The following ART1 variants were observed in gnomAD, a reference collection of about 807,000 sequenced individuals.
ART1 encodes the protein ADP-ribosyltransferase 1, also known as GPI-linked NAD(P)(+)--arginine ADP-ribosyltransferase 1.
ART1 carries 29 observed loss-of-function variants against 27.0 expected under a neutral mutation model. The observed-to-expected ratio is 1.08, with a 90% CI of 0.80 to 1.47. The LOEUF (loss-of-function observed/expected upper bound fraction) is 1.47. Among genes scored for constraint, ART1 ranks in the 40% most tolerant of loss-of-function variants. The pLI is 0.00. For missense variants in ART1, 480 were observed against 423.0 expected (o/e 1.13, Z -1.18); for synonymous variants, 201 against 172.2 (o/e 1.17, Z -1.31).
intron 4 of ART1, among the ~76,000 whole-genome samples, 193 bp downstream of exon 4, chr11:3,661,606 T>C (rs994522992): frequency 6.6e-6 from 1 of 151,110 alleles, no homozygotes; most frequent in Non-Finnish European, 1.5e-5. Context: ...GCCATTCTCC[T>C]GCCTCAGCCT....
chr11:3,656,845 A>G (rs997491828), intron 1 of ART1, among the ~76,000 whole-genome samples: 2 of 152,178 alleles, frequency 1.3e-5, no homozygotes, highest in African/African-American at 4.8e-5. Context: ...CTAAACAACA[A>G]TAACAAAAAA....
In ART1 at chr11:3,659,729, G is replaced by C. The variant is rs1372434933; in HGVS notation, c.210G>C (p.Gln70His). The C allele has an allele frequency of 1.2e-6, 2 of 1,613,852 alleles. No individual in the cohort carries two copies. Among genetic ancestry groups the C allele is most frequent in the African/African-American group, 2.7e-5 (2 of 74,920 alleles). The change falls in exon 3 of 5, where the codon CAG (glutamine) becomes CAC (histidine). Residue 70 changes from glutamine (Q) to histidine (H), a missense_variant. Physicochemically the swap from Gln to His is conservative, Grantham distance 24 (BLOSUM62 0). Coordinates refer to ENST00000250693, the MANE Select transcript of ART1 (RefSeq NM_004314.3). ...CGGATCTCAACCACACGGAGTTCCA[G>C]GCCAACCAGGTGTATGCAGACAGCT... is the stretch of plus-strand genomic sequence containing the variant. ...ALPDLNHTEFQANQVYADSWT... is the reference protein window; with the variant it reads ...ALPDLNHTEFHANQVYADSWT...
In ART1 at chr11:3,660,311, C is replaced by T. The variant is rs1274893644; in HGVS notation, c.792C>T (p.Ile264=). The change falls in exon 3 of 5, where the codon ATC becomes ATT. Residue 264 remains isoleucine, a synonymous_variant. Coordinates refer to ENST00000250693, the MANE Select transcript of ART1 (RefSeq NM_004314.3). ...GACTGGCCCAGGGCCCCGCCCGCAT[C>T]TACCTCCGAGCCCTGGGCAAGCACA... is the stretch of plus-strand genomic sequence containing the variant. The part of the protein sequence containing the change: ...ASRLAQGPAR[I]YLRALGKHST... 1.9e-6 allele frequency: 3 copies of T among 1,608,006 alleles called. No homozygotes were observed. The highest frequency in any genetic ancestry group is 2.5e-6 in the Non-Finnish European group (3 of 1,179,966).
At chr11:3,645,476 A>G (rs1481826084) in intron 1 of ART1, among the ~76,000 whole-genome samples, 2 of 152,152 alleles carry the variant, frequency 1.3e-5, no homozygotes, top group Admixed American at 1.3e-4. Flanking sequence ...CCCTTGGGCT[A>G]GAAAAGGAAT....
intron 4 of ART1, among the ~76,000 whole-genome samples, chr11:3,662,865 C>CA (rs369304562): frequency 3.3e-5 from 5 of 151,758 alleles, no homozygotes; most frequent in South Asian, 2.1e-4. Flanking sequence ...AAAACAAAAA[C>CA]AAAAAAAATC....
chr11:3,658,361 A>G (rs891960306), intron 1 of ART1, among the ~76,000 whole-genome samples: 13 of 150,632 alleles, frequency 8.6e-5, no homozygotes, highest in Non-Finnish European at 1.6e-4. Flanking sequence ...AGAGAGAAAG[A>G]AAAAAAAGGA....
At chr11:3,655,219 A>G (rs557225991) in intron 1 of ART1, among the ~76,000 whole-genome samples, 3 of 152,044 alleles carry the variant, frequency 2.0e-5, no homozygotes, top group Non-Finnish European at 4.4e-5. Flanking sequence ...CAAAGAAAAG[A>G]CTCTCAGTTT....
At position 3,652,595 on chromosome 11, in the gene ART1, C is replaced by A. The variant is rs142940691; in HGVS notation, c.-52-6567C>A. Reference sequence around the variant, plus strand: ...CAGCCCATTTGAGCTCCTGTATAGACGCTCCTTTTTATTAGGCCCCAGTCT... The same window carrying A: ...CAGCCCATTTGAGCTCCTGTATAGAAGCTCCTTTTTATTAGGCCCCAGTCT... On this transcript the variant is annotated intron_variant, in intron 1 of 4. Transcript: ENST00000250693. Among the ~76,000 whole-genome samples, 35 of 152,178 alleles carry A rather than the reference C, an allele frequency of 2.3e-4. No homozygotes were observed. In the South Asian group the frequency reaches 6.0e-3, roughly 26 times the overall value.
rs757914337 is a variant in ART1 at position 3,660,323 on chromosome 11, C to A, written c.804C>A (p.Ala268=). Residue 268 remains alanine, a synonymous_variant, in exon 3 of 5, where the codon GCC becomes GCA. Coordinates refer to ENST00000250693, the MANE Select transcript of ART1 (RefSeq NM_004314.3). ...GCCCCGCCCGCATCTACCTCCGAGC[C>A]CTGGGCAAGCACAGCACCTACAACT... ...AQGPARIYLR[A]LGKHSTYNCE... is the part of the protein sequence containing the mutation. The A allele has an allele frequency of 6.2e-7, 1 of 1,606,232 alleles. No homozygotes were observed. The highest frequency in any genetic ancestry group is 1.7e-5 in the Admixed American group (1 of 60,024).
In ART1 at chr11:3,649,568, C is replaced by G. The variant is rs564687682; in HGVS notation, c.-53+4389C>G. On this transcript the variant is annotated intron_variant, in intron 1 of 4. Transcript: ENST00000250693. ...TCTACAGACCCGTCTGACGTCTCCCCTCCTCCCCAGGCTGCTCCTCGCCAG... is the reference window on the plus strand; with the variant it reads ...TCTACAGACCCGTCTGACGTCTCCCGTCCTCCCCAGGCTGCTCCTCGCCAG... Among the ~76,000 whole-genome samples the G allele has an allele frequency of 4.6e-5, 7 of 152,290 alleles. No individual in the cohort carries two copies. The East Asian group carries it at 9.7e-4, about 21-fold the overall frequency.
chr11:3,662,040 C>T (rs1173120880), intron 4 of ART1, among the ~76,000 whole-genome samples: 1 of 152,200 alleles, frequency 6.6e-6, no homozygotes, highest in Non-Finnish European at 1.5e-5. Flanking sequence ...GGGCTGCTCC[C>T]CACAAAGTCC....
In ART1 at chr11:3,664,397, G is replaced by GA; in HGVS notation, c.*210dup. 1 of 547,550 alleles carries GA rather than the reference G, an allele frequency of 1.8e-6. No homozygotes were observed. Among genetic ancestry groups the GA allele is most frequent in the South Asian group, 2.2e-5 (1 of 45,800 alleles). The allele number at this position is 547,550 out of a possible 1,614,324, so 33.9% of individuals were successfully genotyped here. ...CCCAGGGCTGTAGGAGTGAGACTCT[G>GA]AATAAAGGGTTGGGCCGGCGGTGTG... On this transcript the variant is annotated 3_prime_UTR_variant, in exon 5 of 5. Coordinates refer to ENST00000250693, the MANE Select transcript of ART1 (RefSeq NM_004314.3).
At chr11:3,648,237 C>G (rs1396159238) in intron 1 of ART1, among the ~76,000 whole-genome samples, 3 of 152,318 alleles carry the variant, frequency 2.0e-5, no homozygotes, top group African/African-American at 7.2e-5. Flanking sequence ...TCCACCTGCA[C>G]CCAGGTGATT....
At chr11:3,656,592 G>A (rs546836926) in intron 1 of ART1, among the ~76,000 whole-genome samples, 71 of 152,110 alleles carry the variant, frequency 4.7e-4, no homozygotes, top group African/African-American at 1.7e-3. Context: ...ACGTTGGCCA[G>A]GCTGGTCTTG....
intron 1 of ART1, among the ~76,000 whole-genome samples, chr11:3,649,139 T>C (rs1179033314): frequency 6.6e-6 from 1 of 152,108 alleles, no homozygotes; most frequent in African/African-American, 2.4e-5. Flanking sequence ...CTCTCTTTTC[T>C]CTGGGCTTGC....
intron 1 of ART1, among the ~76,000 whole-genome samples, chr11:3,649,164 G>A (rs922422817): frequency 1.3e-5 from 2 of 151,950 alleles, no homozygotes; most frequent in Non-Finnish European, 2.9e-5. Flanking sequence ...TTCACTACGG[G>A]CAACCTTCCA....
At chr11:3,662,999 G>A (rs1446438073) in intron 4 of ART1, among the ~76,000 whole-genome samples, 1 of 146,272 alleles carries the variant, frequency 6.8e-6, no homozygotes, top group Non-Finnish European at 1.5e-5. Context: ...CCCCTCCCCA[G>A]ACATCATCTC....
At chr11:3,646,870 C>T (rs1399106166) in intron 1 of ART1, among the ~76,000 whole-genome samples, 1 of 152,132 alleles carries the variant, frequency 6.6e-6, no homozygotes, top group Admixed American at 6.6e-5. Flanking sequence ...ACTGGGACTA[C>T]AATAATGAGC....
chr11:3,653,659 T>C lies in ART1; in HGVS notation c.-52-5503T>C, dbSNP rs189461272. 1.1e-4 allele frequency among the ~76,000 whole-genome samples: 16 copies of C among 152,300 alleles called. No individual in the cohort carries two copies. In the East Asian group the frequency reaches 3.1e-3, roughly 29 times the overall value. The stretch of plus-strand genomic sequence containing the variant: ...TGAAAAGAGGAGCTTCGTATTTTTT[T>C]TAAATCTACTCCGCTTCTCCTCTGT... On this transcript the variant is annotated intron_variant, in intron 1 of 4. Transcript: ENST00000250693.
Sources: gnomAD v4.1 joint callset for allele counts (sites outside exome capture counted in the v4.1 genomes callset) on GRCh38, gnomAD v4.1.1 for gene constraint, MANE v1.5 for transcripts, NCBI Gene and HGNC (gene_info 2026-07-23, HGNC 2026-07-21) for gene names.